The following CFAP299 variants were observed in gnomAD, a reference collection of about 807,000 sequenced individuals.
The protein encoded by CFAP299 is cilia and flagella associated protein 299, also known as cilia- and flagella-associated protein 299.
A neutral mutation model predicts 27.0 loss-of-function variants in CFAP299; 21 were observed. The ratio of observed to expected loss-of-function variants is 0.78; its 90% confidence interval spans 0.55 to 1.12. CFAP299 has a LOEUF of 1.12. Among genes scored for constraint, CFAP299 ranks in the 50% most tolerant of loss-of-function variants. The pLI, the probability that CFAP299 is intolerant of heterozygous loss-of-function variation, is 0.00. For synonymous variants in CFAP299, 104 were observed against 98.1 expected, an observed-to-expected ratio of 1.06 and a Z score of -0.36; for missense variants, 310 against 276.6, an observed-to-expected ratio of 1.12 and a Z score of -0.86.
intron 2 of CFAP299, among the ~76,000 whole-genome samples, chr4:80,378,944 T>C (rs1220155484): frequency 1.3e-5 from 2 of 152,122 alleles, no homozygotes; most frequent in Admixed American, 6.5e-5. Context: ...TCTATCAGTG[T>C]AATTCTGGCT....
At chr4:80,460,582 T>C (rs553080196) in intron 2 of CFAP299, among the ~76,000 whole-genome samples, 1 of 152,308 alleles carries the variant, frequency 6.6e-6, no homozygotes, top group South Asian at 2.1e-4. Context: ...ACTGCCTTCA[T>C]GGAATCAATC....
chr4:80,862,589 G>A (rs1352957736), intron 3 of CFAP299, among the ~76,000 whole-genome samples: 1 of 151,984 alleles, frequency 6.6e-6, no homozygotes, highest in African/African-American at 2.4e-5. Flanking sequence ...CTTTGTCCAT[G>A]ACCTTTTGCA....
intron 3 of CFAP299, among the ~76,000 whole-genome samples, chr4:80,832,090 T>A (rs965897572): frequency 3.3e-5 from 5 of 152,140 alleles, no homozygotes; most frequent in Non-Finnish European, 7.4e-5. Context: ...TATGAATGGA[T>A]TTTTACTCCT....
At chr4:80,375,136 G>A (rs780323718) in intron 2 of CFAP299, among the ~76,000 whole-genome samples, 2 of 152,116 alleles carry the variant, frequency 1.3e-5, no homozygotes, top group Non-Finnish European at 2.9e-5. Context: ...GAGATTAAAA[G>A]GCTCAGGAAA....
At chr4:80,325,679 A>G in the CFAP299 span, among the ~76,000 whole-genome samples, 1 of 152,370 alleles carries the variant, frequency 6.6e-6, no homozygotes, top group Admixed American at 6.5e-5. Context: ...ATGTTTTTGG[A>G]AAATTTAATT....
At chr4:80,652,467 C>A (rs1228502684) in intron 3 of CFAP299, among the ~76,000 whole-genome samples, 1 of 151,986 alleles carries the variant, frequency 6.6e-6, no homozygotes, top group Non-Finnish European at 1.5e-5. Context: ...AACAACTGGA[C>A]TGGGAATGTC....
chr4:80,796,329 AC>A (rs1210086386), intron 3 of CFAP299, among the ~76,000 whole-genome samples: 1 of 152,128 alleles, frequency 6.6e-6, no homozygotes, highest in East Asian at 1.9e-4. Flanking sequence ...TGGCATGCAA[AC>A]GTCTCACCAA....
At chr4:80,624,680 A>C (rs936073654) in intron 3 of CFAP299, among the ~76,000 whole-genome samples, 12 of 152,068 alleles carry the variant, frequency 7.9e-5, no homozygotes, top group African/African-American at 2.9e-4. Flanking sequence ...TATTTTAAAA[A>C]TATTATGACC....
rs1578152188 is a variant in CFAP299, at chr4:80,817,269, C to G, written c.334-52724C>G. On this transcript the variant is annotated intron_variant, in intron 3 of 5. Transcript: ENST00000358105. ...ATTATAGGTCAGCTTCTCCCTCTGCCTCTATATATTAAGAATATATTACAT... is the reference window on the plus strand; with the variant it reads ...ATTATAGGTCAGCTTCTCCCTCTGCGTCTATATATTAAGAATATATTACAT... Among the ~76,000 whole-genome samples the G allele has an allele frequency of 3.3e-5, 5 of 151,952 alleles. 1 individual carries two copies. Among genetic ancestry groups the G allele is most frequent in the Admixed American group, 3.3e-4 (5 of 15,240 alleles).
chr4:80,714,701 A>T (rs1302035144), intron 3 of CFAP299, among the ~76,000 whole-genome samples: 5 of 152,038 alleles, frequency 3.3e-5, no homozygotes, highest in Non-Finnish European at 7.4e-5. Context: ...TCATACCCAT[A>T]CCTTGCTACG....
intron 4 of CFAP299, among the ~76,000 whole-genome samples, chr4:80,926,839 C>A (rs888879160): frequency 2.0e-5 from 3 of 152,000 alleles, no homozygotes; most frequent in Non-Finnish European, 4.4e-5. Flanking sequence ...AAATATAAAA[C>A]ATTGAACATT....
intron 3 of CFAP299, among the ~76,000 whole-genome samples, chr4:80,589,402 T>A (rs1736609116): frequency 6.6e-6 from 1 of 152,168 alleles, no homozygotes; most frequent in African/African-American, 2.4e-5. Flanking sequence ...TGGGAAAATA[T>A]CTTTATACCT....
At chr4:80,724,010 T>C (rs1245286725) in intron 3 of CFAP299, among the ~76,000 whole-genome samples, 4 of 152,134 alleles carry the variant, frequency 2.6e-5, no homozygotes, top group African/African-American at 9.6e-5. Context: ...AAAATTGTAC[T>C]TCACAATAAA....
intron 3 of CFAP299, among the ~76,000 whole-genome samples, chr4:80,605,261 A>G (rs1241436678): frequency 6.6e-6 from 1 of 152,198 alleles, no homozygotes; most frequent in Non-Finnish European, 1.5e-5. Flanking sequence ...TTTCTTTTGA[A>G]CAACATTTAG....
intron 3 of CFAP299, chr4:80,790,303 A>G (rs909306184): frequency 6.6e-6 from 1 of 152,084 alleles, no homozygotes; most frequent in Non-Finnish European, 1.5e-5. Flanking sequence ...AAGATAACAC[A>G]TAGAAATTTC....
intron 3 of CFAP299, 126 bp from the exon 4 acceptor site, chr4:80,869,867 A>G (rs560821734): frequency 5.0e-5 from 44 of 874,066 alleles, no homozygotes; most frequent in Admixed American, 1.9e-4. Context: ...TGTTATAACC[A>G]CTCTTTCAGA....
chr4:80,632,713 C>CTT (rs71664813), intron 3 of CFAP299, among the ~76,000 whole-genome samples: 13 of 143,928 alleles, frequency 9.0e-5, no homozygotes, highest in African/African-American at 3.0e-4. Context: ...TATTTTCAAG[C>CTT]TTTTTTTTTT....
intron 3 of CFAP299, among the ~76,000 whole-genome samples, chr4:80,797,876 G>T (rs138687302): frequency 0.02 from 3,047 of 152,168 alleles, 76 homozygotes; most frequent in South Asian, 0.059. Flanking sequence ...TTTCTAGCTC[G>T]CTCACAGTGG....
At chr4:80,355,179 G>A (rs1723206294) in intron 1 of CFAP299, among the ~76,000 whole-genome samples, 1 of 151,850 alleles carries the variant, frequency 6.6e-6, no homozygotes, top group South Asian at 2.1e-4. Flanking sequence ...CAAGTTTGCC[G>A]GCATCTGTTA....
Sources: allele counts gnomAD v4.1 joint callset (sites outside exome capture counted in the v4.1 genomes callset), GRCh38; gene constraint gnomAD v4.1.1; transcripts MANE v1.5; gene names NCBI Gene and HGNC (gene_info 2026-07-23, HGNC 2026-07-21).